Variants in CLTRN observed in about 807,000 individuals in gnomAD.
CLTRN encodes the protein collectrin.
In CLTRN, 12 loss-of-function variants were observed where a neutral mutation model predicts 14.5. The ratio of observed to expected loss-of-function variants is 0.83; its 90% CI spans 0.53 to 1.34. CLTRN has a LOEUF of 1.34. Ranked by LOEUF, CLTRN falls within the 40% of genes most tolerant of loss-of-function variation. The pLI is 0.00. For synonymous variants in CLTRN, 58 were observed against 56.5 expected (o/e 1.03, Z -0.12); for missense variants, 154 against 165.1 (o/e 0.93, Z 0.37).
At chrX:15,666,749 G>A (rs896911261), upstream of CLTRN, among the ~76,000 whole-genome samples, 2 of 111,459 alleles carry the variant, frequency 1.8e-5, no homozygotes, top group Admixed American at 1.9e-4. Context: ...ACTGTATTAG[G>A]TGCAGTGGAA....
chrX:15,659,409 C>A (rs1234574959), intron 2 of CLTRN, among the ~76,000 whole-genome samples: 5 of 111,342 alleles, frequency 4.5e-5, no homozygotes, highest in African/African-American at 1.6e-4. Context: ...ATATATAGTC[C>A]ATTTTCATTT....
intron 1 of CLTRN, among the ~76,000 whole-genome samples, chrX:15,673,401 T>G (rs1325857629): frequency 8.9e-6 from 1 of 112,338 alleles, no homozygotes; most frequent in Non-Finnish European, 1.9e-5. Flanking sequence ...TAAACTATAA[T>G]ACTTACTTTA....
upstream of CLTRN, among the ~76,000 whole-genome samples, chrX:15,668,055 T>C (rs1367644976): frequency 1.8e-5 from 2 of 112,361 alleles, no homozygotes; most frequent in East Asian, 5.5e-4. Flanking sequence ...ATTTTTAAAA[T>C]GATTGAAAAA....
intron 3 of CLTRN, among the ~76,000 whole-genome samples, chrX:15,655,593 A>G (rs1929336997): frequency 8.9e-6 from 1 of 111,970 alleles, no homozygotes; most frequent in Admixed American, 9.4e-5. Context: ...AATATATTCA[A>G]GTGCAGACTG....
At chrX:15,656,096 T>C (rs1172162660) in intron 3 of CLTRN, among the ~76,000 whole-genome samples, 4 of 111,954 alleles carry the variant, frequency 3.6e-5, no homozygotes, top group Non-Finnish European at 7.5e-5. Flanking sequence ...ACCCTCAGCC[T>C]CTCTGATCCC....
chrX:15,664,859 C>T (rs995544567), upstream of CLTRN: 3 of 824,808 alleles, frequency 3.6e-6, no homozygotes, highest in Non-Finnish European at 5.3e-6. Flanking sequence ...TTCTGTGACC[C>T]GGATTAGAAT....
At chrX:15,656,836 C>A (rs1305151611) in intron 3 of CLTRN, among the ~76,000 whole-genome samples, 1 of 110,530 alleles carries the variant, frequency 9.0e-6, no homozygotes, top group Non-Finnish European at 1.9e-5. Flanking sequence ...CTGCCTGACT[C>A]TTTACAGAAA....
At chrX:15,637,795 A>T (rs748917116) in intron 5 of CLTRN, among the ~76,000 whole-genome samples, 10 of 112,294 alleles carry the variant, frequency 8.9e-5, no homozygotes, top group Non-Finnish European at 1.3e-4. Context: ...CACCAAGTTA[A>T]TTATTTCCAG....
At chrX:15,640,253 C>A (rs113974458) in intron 4 of CLTRN, among the ~76,000 whole-genome samples, 2,566 of 112,040 alleles carry the variant, frequency 0.023, 68 homozygotes, top group African/African-American at 0.078. Flanking sequence ...GATGTGATGA[C>A]CCCAAAGTTA....
At chrX:15,652,998 G>A (rs1041640734) in intron 3 of CLTRN, among the ~76,000 whole-genome samples, 6 of 111,042 alleles carry the variant, frequency 5.4e-5, no homozygotes, top group East Asian at 2.8e-4. Context: ...GGAGAATTGC[G>A]TTAACCGAGG....
intron 5 of CLTRN, among the ~76,000 whole-genome samples, chrX:15,631,818 G>T (rs920390621): frequency 3.6e-5 from 4 of 111,950 alleles, no homozygotes; most frequent in Non-Finnish European, 3.8e-5. Flanking sequence ...GACATGATAA[G>T]CAGCTCAAAG....
At chrX:15,672,973 C>T (rs1417664947) in intron 1 of CLTRN, among the ~76,000 whole-genome samples, 1 of 111,843 alleles carries the variant, frequency 8.9e-6, no homozygotes, top group Non-Finnish European at 1.9e-5. Context: ...GCTGTGTACT[C>T]AGTCGAACAG....
At chrX:15,645,059 A>G (rs1406626764) in intron 3 of CLTRN, 30 bp from the exon 4 acceptor site, 12 of 954,034 alleles carry the variant, frequency 1.3e-5, no homozygotes, top group Non-Finnish European at 1.8e-5. Flanking sequence ...AAAATACATG[A>G]GAAGAATATC....
At chrX:15,654,945 T>G (rs1929312976) in intron 3 of CLTRN, among the ~76,000 whole-genome samples, 1 of 112,428 alleles carries the variant, frequency 8.9e-6, no homozygotes, top group Non-Finnish European at 1.9e-5. Context: ...ACTGTTCCCT[T>G]TGGGCACTCT....
chrX:15,651,811 T>C (rs1379671449), intron 3 of CLTRN, among the ~76,000 whole-genome samples: 1 of 111,440 alleles, frequency 9.0e-6, no homozygotes, highest in Non-Finnish European at 1.9e-5. Flanking sequence ...TCTGACATTA[T>C]TCCCAGAGAG....
At chrX:15,646,462 A>ACCCCCCCCCC (rs111413791) in intron 3 of CLTRN, 12 of 177,545 alleles carry the variant, frequency 6.8e-5, no homozygotes, top group South Asian at 2.0e-4. Flanking sequence ...CCGCGCACCC[A>ACCCCCCCCCC]CCCCCCCGCC....
At chrX:15,664,447 A>C in intron 1 of CLTRN, 52 bp from the exon 2 acceptor site, 1 of 1,037,603 alleles carries the variant, frequency 9.6e-7, no homozygotes, top group Non-Finnish European at 1.3e-6. Context: ...GGATCTGCCA[A>C]AACAGAGTCT....
chrX:15,672,314 C>T (rs1929734345), intron 1 of CLTRN, among the ~76,000 whole-genome samples: 1 of 111,772 alleles, frequency 8.9e-6, no homozygotes, highest in South Asian at 3.7e-4. Flanking sequence ...TAGCTGGTTC[C>T]ACTGTTGCTC....
intron 3 of CLTRN, among the ~76,000 whole-genome samples, chrX:15,650,555 C>T (rs917411272): frequency 6.3e-5 from 7 of 111,841 alleles, no homozygotes; most frequent in African/African-American, 2.3e-4. Context: ...TGACTTCCAT[C>T]GTACTAGTTT....
Sources: allele counts gnomAD v4.1 joint callset (sites outside exome capture counted in the v4.1 genomes callset), GRCh38; gene constraint gnomAD v4.1.1; transcripts MANE v1.5; gene names NCBI Gene and HGNC (gene_info 2026-07-23, HGNC 2026-07-21).